Variants in GPX3 observed in about 807,000 individuals in gnomAD.
GPX3 encodes glutathione peroxidase 3.
GPX3 carries 22 observed loss-of-function variants against 25.1 expected under a neutral mutation model. The ratio of observed to expected loss-of-function variants is 0.88; its 90% confidence interval spans 0.63 to 1.25. The LOEUF is 1.25. Among genes scored for constraint, GPX3 ranks in the 50% most tolerant of loss-of-function variants. The pLI is 0.00. For synonymous variants in GPX3, 110 were observed against 114.5 expected (o/e 0.96, Z 0.25); for missense variants, 278 against 286.6 (o/e 0.97, Z 0.22).
chr5:151,024,248 G>A (rs539850385), intron 1 of GPX3, among the ~76,000 whole-genome samples: 2 of 152,228 alleles, frequency 1.3e-5, no homozygotes, highest in South Asian at 4.1e-4. Flanking sequence ...TTCCCATCAC[G>A]ACCAGCCCAC....
In GPX3 at chr5:151,020,722, G is replaced by T; in HGVS notation, c.68G>T (p.Arg23Leu). 6.2e-7 allele frequency: 1 copy of T among 1,611,464 alleles called. No homozygotes were observed. ...CTGGCCGGCTTCGTCTCGCAGAGCC[G>T]GGGACAAGAGAAGTCGAAGGTGAGT... ...LLLAGFVSQS[R>L]GQEKSKMDCH... is the part of the protein sequence containing the mutation. The change falls in exon 1 of 5, where the codon CGG becomes CTG. Residue 23 changes from arginine (R) to leucine (L), a missense_variant. Transcript: ENST00000388825.
chr5:151,027,303 C>A, intron 3 of GPX3, 129 bp from the exon 4 acceptor site: 1 of 677,722 alleles, frequency 1.5e-6, no homozygotes, highest in Non-Finnish European at 2.7e-6. Flanking sequence ...TGCACATTCA[C>A]TGGCTCCTGC....
intron 4 of GPX3, 177 bp from the exon 5 acceptor site, chr5:151,027,732 A>G (rs1756573436): frequency 4.3e-6 from 3 of 703,970 alleles, no homozygotes; most frequent in Non-Finnish European, 7.6e-6. Flanking sequence ...AGAAGGACCC[A>G]GAGTGAACAT....
Position 151,026,928 on chromosome 5 carries a change from A to AC in GPX3, c.272dup (p.Phe92IlefsTer?). 1 of 1,614,068 alleles carries AC rather than the reference A, an allele frequency of 6.2e-7. No homozygotes were observed. The highest frequency in any genetic ancestry group is 8.5e-7 in the Non-Finnish European group (1 of 1,179,936). ...TGAATGCACTACAGGAAGAGCTTGC[A>AC]CCATTCGGTCTGGTCATTCTGGGCT... is the stretch of plus-strand genomic sequence containing the variant. On this transcript the variant is annotated frameshift_variant, in exon 3 of 5. Transcript: ENST00000388825. LOFTEE classifies it high-confidence loss of function.
chr5:151,026,841 G>A lies in GPX3; in HGVS notation c.242-59G>A, dbSNP rs559379016. On this transcript the variant is annotated intron_variant, in intron 2 of 4. Coordinates refer to ENST00000388825, the MANE Select transcript of GPX3 (RefSeq NM_002084.5). Reference sequence around the variant, plus strand: ...AGCGGGTGAGCCGGGGGAGTGGTGTGGATGAGACAGGGCTCCTCGCCAGGA... The same window carrying A: ...AGCGGGTGAGCCGGGGGAGTGGTGTAGATGAGACAGGGCTCCTCGCCAGGA... 1.3e-4 allele frequency: 163 copies of A among 1,253,716 alleles called. No homozygotes were observed. In the East Asian group the frequency reaches 2.4e-3, roughly 18 times the overall value. 77.7% of individuals were successfully genotyped at this position (1,253,716 alleles called of 1,614,324 possible).
At chr5:151,027,193 G>A (rs1280759415) in intron 3 of GPX3, among the ~76,000 whole-genome samples, 176 bp downstream of exon 3, 2 of 152,236 alleles carry the variant, frequency 1.3e-5, no homozygotes, top group African/African-American at 4.8e-5. Context: ...GGGACAACTG[G>A]TTGTGATGTG....
chr5:151,026,552 C>T (rs756426187), intron 2 of GPX3: 1 of 211,490 alleles, frequency 4.7e-6, no homozygotes, highest in African/African-American at 2.3e-5. Context: ...TGCCTTGTAT[C>T]CAGGGATGGA....
rs1023891573 is a variant in GPX3, at chr5:151,028,208, C to G, written c.*78C>G. On this transcript the variant is annotated 3_prime_UTR_variant, in exon 5 of 5. Transcript: ENST00000388825. ...GAAGAAATCCGTGTCTCCAACCACACTATCTACCCATCACAGACCCCTTTC... is the reference window on the plus strand; with the variant it reads ...GAAGAAATCCGTGTCTCCAACCACAGTATCTACCCATCACAGACCCCTTTC... 3.1e-6 allele frequency: 4 copies of G among 1,277,942 alleles called. No homozygotes were observed. In the African/African-American group the frequency reaches 5.9e-5, roughly 19 times the overall value. 79.2% of individuals were successfully genotyped at this position (1,277,942 alleles called of 1,614,324 possible). A position where few individuals can be genotyped will look rare whatever the true frequency, so the allele number is the denominator to read the frequency against.
intron 2 of GPX3, 111 bp from the exon 3 acceptor site, chr5:151,026,789 C>T (rs1465321709): frequency 1.3e-5 from 10 of 742,890 alleles, no homozygotes; most frequent in Non-Finnish European, 1.8e-5. Context: ...CCCTCCCTTT[C>T]TCGGGCCTCA....
At chr5:151,023,599 A>AT (rs1364299698) in intron 1 of GPX3, among the ~76,000 whole-genome samples, 1 of 152,056 alleles carries the variant, frequency 6.6e-6, no homozygotes, top group Admixed American at 6.6e-5. Flanking sequence ...CTCAGAGTTC[A>AT]TTTTTGGATC....
At chr5:151,027,209 G>A (rs555532765) in intron 3 of GPX3, among the ~76,000 whole-genome samples, 192 bp downstream of exon 3, 5 of 152,218 alleles carry the variant, frequency 3.3e-5, no homozygotes, top group African/African-American at 7.2e-5. Flanking sequence ...ATGTGCATCC[G>A]CAGGGAGCAC....
chr5:151,027,599 G>T, intron 4 of GPX3, 68 bp downstream of exon 4: 1 of 1,015,706 alleles, frequency 9.8e-7, no homozygotes. Context: ...CAGCGTCAGG[G>T]CCCATGCCAC....
At chr5:151,021,299 C>T (rs965542952) in intron 1 of GPX3, 1 of 175,562 alleles carries the variant, frequency 5.7e-6, no homozygotes, top group Non-Finnish European at 1.2e-5. Flanking sequence ...GTAGAAGAGG[C>T]AGAGATCTGT....
At chr5:151,024,979 C>T (rs1187895816) in intron 1 of GPX3, among the ~76,000 whole-genome samples, 1 of 152,154 alleles carries the variant, frequency 6.6e-6, no homozygotes, top group Non-Finnish European at 1.5e-5. Flanking sequence ...CCTGAGAGCC[C>T]AGTAAATGTT....
At chr5:151,022,589 G>A (rs922106204) in intron 1 of GPX3, among the ~76,000 whole-genome samples, 6 of 152,186 alleles carry the variant, frequency 3.9e-5, no homozygotes, top group Admixed American at 1.3e-4. Flanking sequence ...TGGAATGGAC[G>A]AAAGGTGACT....
chr5:151,021,001 C>T, intron 1 of GPX3: 2 of 493,770 alleles, frequency 4.1e-6, no homozygotes, highest in Non-Finnish European at 7.3e-6. Context: ...GAAGGTCTCT[C>T]TCCCCGAGCT....
At chr5:151,024,102 A>C (rs1756513659) in intron 1 of GPX3, among the ~76,000 whole-genome samples, 1 of 152,004 alleles carries the variant, frequency 6.6e-6, no homozygotes. Context: ...AACTCCAGCC[A>C]CCTGTCTCTG....
intron 1 of GPX3, among the ~76,000 whole-genome samples, chr5:151,023,688 G>A (rs1756509330): frequency 6.6e-6 from 1 of 152,172 alleles, no homozygotes; most frequent in Admixed American, 6.5e-5. Context: ...GGTCTAGGGT[G>A]TATTTGTTGT....
chr5:151,022,392 T>G (rs1273906102), intron 1 of GPX3, among the ~76,000 whole-genome samples: 1 of 152,150 alleles, frequency 6.6e-6, no homozygotes, highest in East Asian at 1.9e-4. Flanking sequence ...TAGAAAAGTT[T>G]TAGGGTGAGG....
Sources: gnomAD v4.1 joint callset for allele counts (sites outside exome capture counted in the v4.1 genomes callset) on GRCh38, gnomAD v4.1.1 for gene constraint, MANE v1.5 for transcripts, NCBI Gene and HGNC (gene_info 2026-07-23, HGNC 2026-07-21) for gene names.